PCNX2: variants seen among roughly 807,000 people sequenced by gnomAD.
PCNX2 encodes the protein pecanex 2, also known as pecanex-like protein 2.
A neutral mutation model predicts 223.8 loss-of-function variants in PCNX2; 168 were observed. The ratio of observed to expected loss-of-function variants is 0.75; its 90% CI spans 0.66 to 0.85. The LOEUF is 0.85. Among genes scored for constraint, PCNX2 ranks in the 40% least tolerant of loss-of-function variants. The pLI is 0.00. For synonymous variants in PCNX2, 1,006 were observed against 1,052.6 expected (o/e 0.96, Z 0.86); for missense variants, 2,507 against 2,675.5 (o/e 0.94, Z 1.39).
chr1:233,031,337 G>C (rs773320042), intron 25 of PCNX2, among the ~76,000 whole-genome samples: 1 of 152,046 alleles, frequency 6.6e-6, no homozygotes, highest in African/African-American at 2.4e-5. Context: ...CTTTTTCTGG[G>C]ATCTCATATC....
rs1428308774 is a variant in PCNX2, at chr1:232,999,150, A to ATC, written c.5557_5558insGA (p.Ile1853ArgfsTer16). The ATC allele has an allele frequency of 1.6e-5, 26 of 1,613,734 alleles. No homozygotes were observed. The highest frequency in any genetic ancestry group is 1.7e-4 in the Middle Eastern group (1 of 6,060). ...CCAGGTCCTAATTCTGTCCAAAGTG[A>ATC]TGGGTCCACCCCAGATGTTCTTCAG... On this transcript the variant is annotated frameshift_variant, in exon 31 of 34. Transcript: ENST00000258229. LOFTEE classifies it high-confidence loss of function.
rs187825041 is a variant in PCNX2, at chr1:233,245,789, G to A, written c.2222+4950C>T. Among the ~76,000 whole-genome samples the A allele has an allele frequency of 7.6e-4, 116 of 152,148 alleles. 1 individual carries two copies. The East Asian group carries it at 0.014, about 19-fold the overall frequency. ...AATTAGCCCGGCTGTGGTGGCGCGCGCCTGTAATCCCAGCTATTCAGGAGG... is the reference window on the plus strand; with the variant it reads ...AATTAGCCCGGCTGTGGTGGCGCGCACCTGTAATCCCAGCTATTCAGGAGG... On this transcript the variant is annotated intron_variant, in intron 8 of 33. Coordinates refer to ENST00000258229, the MANE Select transcript of PCNX2 (RefSeq NM_014801.4).
chr1:233,184,037 A>G (rs1679957731), intron 15 of PCNX2, among the ~76,000 whole-genome samples: 1 of 152,138 alleles, frequency 6.6e-6, no homozygotes, highest in Non-Finnish European at 1.5e-5. Context: ...AACGTTTTCC[A>G]AAGAAGAAGA....
At chr1:233,245,995 G>A (rs1004481437) in intron 8 of PCNX2, among the ~76,000 whole-genome samples, 1 of 152,146 alleles carries the variant, frequency 6.6e-6, no homozygotes, top group Non-Finnish European at 1.5e-5. Context: ...ATACAAATAT[G>A]CATTTCTAGC....
chr1:233,182,001 C>A (rs1190689837), intron 15 of PCNX2, among the ~76,000 whole-genome samples: 3 of 152,192 alleles, frequency 2.0e-5, no homozygotes, highest in Non-Finnish European at 4.4e-5. Flanking sequence ...ACATTTCACT[C>A]CTGGTCATCA....
the PCNX2 span, among the ~76,000 whole-genome samples, chr1:233,317,434 A>ACAAG: frequency 2.6e-4 from 40 of 151,766 alleles, 1 homozygote; most frequent in East Asian, 2.7e-3. Flanking sequence ...AAACAAACAA[A>ACAAG]CAAACCAAAC....
At chr1:233,019,727 G>A (rs1670809959) in intron 26 of PCNX2, among the ~76,000 whole-genome samples, 2 of 151,170 alleles carry the variant, frequency 1.3e-5, no homozygotes, top group South Asian at 4.2e-4. Context: ...GACAGGGATG[G>A]CATTAGGGGA....
At position 233,107,391 on chromosome 1, in the gene PCNX2, A is replaced by AAAAC. The variant is rs147842035; in HGVS notation, c.3838-11532_3838-11529dup. Among the ~76,000 whole-genome samples, 1,114 of 151,818 alleles carry AAAAC rather than the reference A, an allele frequency of 7.3e-3. 7 individuals carry two copies. Among genetic ancestry groups the AAAAC allele is most frequent in the Middle Eastern group, 0.024 (7 of 294 alleles). Reference sequence around the variant, plus strand: ...TGACACAGTGAGATCCTGACTCGAAAAAACAAACAAACAAACAAACAAACA... The same window carrying AAAAC: ...TGACACAGTGAGATCCTGACTCGAAAAAACAAACAAACAAACAAACAAACAAACA... On this transcript the variant is annotated intron_variant, in intron 21 of 33. Transcript: ENST00000258229.
At chr1:233,059,739 A>G (rs932548565) in intron 23 of PCNX2, among the ~76,000 whole-genome samples, 14 of 152,192 alleles carry the variant, frequency 9.2e-5, no homozygotes, top group Non-Finnish European at 1.6e-4. Context: ...AATATTTGCT[A>G]AGAAGAAACA....
rs187876593 is a variant in PCNX2 at position 233,141,170 on chromosome 1, G to A, written c.3518-1315C>T. On this transcript the variant is annotated intron_variant, in intron 19 of 33. Coordinates refer to ENST00000258229, the MANE Select transcript of PCNX2 (RefSeq NM_014801.4). ...CTGACAAAACAGCCTGTTCCTTCCA[G>A]GTCTCTTATCCAAGATTAGCATACA... 1.4e-3 allele frequency among the ~76,000 whole-genome samples: 206 copies of A among 152,268 alleles called. 1 individual carries two copies. Among genetic ancestry groups the A allele is most frequent in the Non-Finnish European group, 2.2e-3 (152 of 68,028 alleles).
intron 1 of PCNX2, chr1:233,290,680 G>T: frequency 1.1e-6 from 1 of 918,970 alleles, no homozygotes; most frequent in Non-Finnish European, 1.3e-6. Context: ...CTATGCTAGT[G>T]CTTGACAGAT....
chr1:233,270,917 T>C (rs1429040882), intron 1 of PCNX2, among the ~76,000 whole-genome samples: 1 of 152,240 alleles, frequency 6.6e-6, no homozygotes, highest in African/African-American at 2.4e-5. Flanking sequence ...AGAATCATTG[T>C]AGACTTACTC....
chr1:233,025,052 A>G (rs1671031672), intron 26 of PCNX2, 94 bp downstream of exon 26: 1 of 1,507,400 alleles, frequency 6.6e-7, no homozygotes, highest in Non-Finnish European at 9.0e-7. Flanking sequence ...TGAGGATGAC[A>G]GGCTTCAAAA....
chr1:233,285,506 T>G (rs1661404482), intron 1 of PCNX2, among the ~76,000 whole-genome samples: 1 of 151,718 alleles, frequency 6.6e-6, no homozygotes, highest in Non-Finnish European at 1.5e-5. Flanking sequence ...AAACCCTGTC[T>G]CTACTAAAAA....
chr1:233,008,969 A>C (rs1445740580), intron 28 of PCNX2, among the ~76,000 whole-genome samples: 1 of 151,964 alleles, frequency 6.6e-6, no homozygotes, highest in Non-Finnish European at 1.5e-5. Context: ...AGCTGGGGGG[A>C]GTGTGGTGCG....
At chr1:233,232,014 T>C (rs1342025960) in intron 9 of PCNX2, among the ~76,000 whole-genome samples, 1 of 152,198 alleles carries the variant, frequency 6.6e-6, no homozygotes, top group East Asian at 1.9e-4. Context: ...CCCAGTGCCA[T>C]GCACATAACT....
the PCNX2 span, among the ~76,000 whole-genome samples, chr1:233,322,161 C>T: frequency 4.6e-5 from 7 of 152,198 alleles, no homozygotes; most frequent in South Asian, 1.5e-3. Context: ...ACTTTTTGTC[C>T]TCTTTGTCTA....
intron 25 of PCNX2, among the ~76,000 whole-genome samples, chr1:233,036,568 T>G (rs899663929): frequency 6.7e-6 from 1 of 150,060 alleles, no homozygotes; most frequent in Non-Finnish European, 1.5e-5. Context: ...AGGCAGAGGG[T>G]GCAGAGAGCC....
At chr1:233,035,233 T>G (rs114892418) in intron 25 of PCNX2, among the ~76,000 whole-genome samples, 1,612 of 152,318 alleles carry the variant, frequency 0.011, 6 homozygotes, top group South Asian at 0.021. Flanking sequence ...TTTTCAAGAT[T>G]GGGCTTCTTG....
Sources: gnomAD v4.1 joint callset for allele counts (sites outside exome capture counted in the v4.1 genomes callset) on GRCh38, gnomAD v4.1.1 for gene constraint, MANE v1.5 for transcripts, NCBI Gene and HGNC (gene_info 2026-07-23, HGNC 2026-07-21) for gene names.